Variants in NMT1 observed in about 807,000 individuals in gnomAD.
The protein encoded by NMT1 is glycylpeptide N-tetradecanoyltransferase 1.
NMT1 carries 12 observed loss-of-function variants against 63.4 expected under a neutral mutation model. The ratio of observed to expected loss-of-function variants is 0.19; its 90% CI spans 0.12 to 0.31. The LOEUF (loss-of-function observed/expected upper bound fraction) is 0.31. Ranked by LOEUF, NMT1 falls within the 10% of genes least tolerant of loss-of-function variation. The pLI is 1.00. For missense variants in NMT1, 432 were observed against 634.6 expected (o/e 0.68, Z 3.43); for synonymous variants, 228 against 234.3 (o/e 0.97, Z 0.25).
chr17:45,068,438 C>G (rs1343143267), intron 1 of NMT1, among the ~76,000 whole-genome samples: 2 of 152,196 alleles, frequency 1.3e-5, no homozygotes, highest in Non-Finnish European at 2.9e-5. Flanking sequence ...CGCCATTGCA[C>G]TTCAGTCTGG....
At position 45,093,854 on chromosome 17, in the gene NMT1, G is replaced by GT. The variant is rs1567869442; in HGVS notation, c.504+52dup. On this transcript the variant is annotated intron_variant, in intron 4 of 11. Coordinates refer to ENST00000258960, the MANE Select transcript of NMT1 (RefSeq NM_021079.5). ...CCTGCGGGTAGGAGCCACTTTCACAGTAAGCCCTGCAGTCTCACCTAGACT... is the reference window on the plus strand; with the variant it reads ...CCTGCGGGTAGGAGCCACTTTCACAGTTAAGCCCTGCAGTCTCACCTAGACT... The GT allele has an allele frequency of 8.3e-6, 12 of 1,439,316 alleles. No individual in the cohort carries two copies. In the South Asian group the frequency reaches 1.3e-4, roughly 15 times the overall value. 89.2% of individuals were successfully genotyped at this position (1,439,316 alleles called of 1,614,324 possible).
chr17:45,100,351 G>A (rs1345191206), intron 8 of NMT1, among the ~76,000 whole-genome samples: 1 of 151,966 alleles, frequency 6.6e-6, no homozygotes, highest in Admixed American at 6.5e-5. Flanking sequence ...CAGATCACGA[G>A]ATCAGGAGAT....
At chr17:45,077,378 T>C (rs2053985068) in intron 1 of NMT1, among the ~76,000 whole-genome samples, 1 of 152,134 alleles carries the variant, frequency 6.6e-6, no homozygotes, top group Non-Finnish European at 1.5e-5. Flanking sequence ...TGTCTCCTAA[T>C]ATCAGCCAGG....
At position 45,104,590 on chromosome 17, in the gene NMT1, C is replaced by T; in HGVS notation, c.1333-269C>T. The T allele has an allele frequency of 2.4e-6, 3 of 1,240,912 alleles. No individual in the cohort carries two copies. Among genetic ancestry groups the T allele is most frequent in the Middle Eastern group, 3.2e-4 (1 of 3,122 alleles). 76.9% of individuals were successfully genotyped at this position (1,240,912 alleles called of 1,614,324 possible). On this transcript the variant is annotated intron_variant, in intron 10 of 11. Transcript: ENST00000258960. This position sits in a 1 kb window ranked among gnomAD's most constrained non-coding sequence, Gnocchi z 4.2. ...TTACTAGAGTTTCAGGGAGGCATAA[C>T]CAGGAATAGCAAGAGCCCCGGCCTG...
rs1438037928 is a variant in NMT1, at chr17:45,093,821, AGGTTACACCTGC to A, written c.504+21_504+32del. ...GTGGTGTGGTGAGTGGGCCCTCAGA[AGGTTACACCTGC>A]GGGTAGGAGCCACTTTCACAGTAAG... On this transcript the variant is annotated intron_variant, in intron 4 of 11. Coordinates refer to ENST00000258960, the MANE Select transcript of NMT1 (RefSeq NM_021079.5). The A allele has an allele frequency of 6.3e-7, 1 of 1,596,544 alleles. No individual in the cohort carries two copies. Among genetic ancestry groups the A allele is most frequent in the South Asian group, 1.1e-5 (1 of 90,724 alleles).
chr17:45,105,589 A>C lies in NMT1; in HGVS notation c.1471-30A>C. The C allele has an allele frequency of 1.9e-6, 3 of 1,612,988 alleles. No homozygotes were observed. The highest frequency in any genetic ancestry group is 2.5e-6 in the Non-Finnish European group (3 of 1,179,626). ...AGAGTCTTTGGGCCACTGTCAACTC[A>C]GCTCTGCCTCTCCCTGTTGGCTTTC... On this transcript the variant is annotated intron_variant, in intron 11 of 11. Coordinates refer to ENST00000258960, the MANE Select transcript of NMT1 (RefSeq NM_021079.5). The surrounding 1 kb of genome is among the most constrained non-coding windows in gnomAD (Gnocchi z 4.2).
intron 6 of NMT1, among the ~76,000 whole-genome samples, 170 bp from the exon 7 acceptor site, chr17:45,098,212 C>T (rs901768190): frequency 6.6e-6 from 1 of 152,146 alleles, no homozygotes; most frequent in African/African-American, 2.4e-5. Context: ...GAGGCAGGCT[C>T]CTTGCCTGGT....
chr17:45,071,183 G>A (rs1266563951), intron 1 of NMT1, among the ~76,000 whole-genome samples: 1 of 152,138 alleles, frequency 6.6e-6, no homozygotes, highest in Non-Finnish European at 1.5e-5. Flanking sequence ...GGATATTAGA[G>A]GTTAGAGTTT....
Position 45,108,395 on chromosome 17 carries a change from C to T in NMT1, c.*2756C>T, listed in dbSNP as rs1337790259. On this transcript the variant is annotated 3_prime_UTR_variant, in exon 12 of 12. Coordinates refer to ENST00000258960, the MANE Select transcript of NMT1 (RefSeq NM_021079.5). ...TCTGTCTTATTTGAAGGCCAGCCCA[C>T]ACCCAGCTACTTTAACACCAGGTTT... 6.6e-6 allele frequency: 1 copy of T among 152,390 alleles called. No individual in the cohort carries two copies. The highest frequency in any genetic ancestry group is 1.5e-5 in the Non-Finnish European group (1 of 68,056). 9.4% of individuals were successfully genotyped at this position (152,390 alleles called of 1,614,324 possible).
chr17:45,075,506 G>A (rs1037668127), intron 1 of NMT1, among the ~76,000 whole-genome samples: 6 of 151,106 alleles, frequency 4.0e-5, no homozygotes, highest in African/African-American at 1.5e-4. Flanking sequence ...AAATGGCTGG[G>A]CGTGGTGGCT....
Position 45,105,088 on chromosome 17 carries a change from A to T in NMT1, c.1470+92A>T. 1 of 1,529,634 alleles carries T rather than the reference A, an allele frequency of 6.5e-7. No individual in the cohort carries two copies. Among genetic ancestry groups the T allele is most frequent in the Non-Finnish European group, 8.9e-7 (1 of 1,117,842 alleles). 94.8% of individuals were successfully genotyped at this position (1,529,634 alleles called of 1,614,324 possible). On this transcript the variant is annotated intron_variant, in intron 11 of 11. Transcript: ENST00000258960. This position sits in a 1 kb window ranked among gnomAD's most constrained non-coding sequence, Gnocchi z 4.2. ...GGCCATGGGTTGAGGAGACAGCCGC[A>T]GTCTGGGTCCTTGTTACCTCGAGTT...
At chr17:45,098,612 C>T (rs2054141536) in intron 7 of NMT1, 60 bp downstream of exon 7, 14 of 1,490,560 alleles carry the variant, frequency 9.4e-6, no homozygotes, top group Non-Finnish European at 1.2e-5. Flanking sequence ...AGTTGAGGAG[C>T]ATGTGCCACT....
chr17:45,094,814 C>CT (rs770599475), intron 4 of NMT1, among the ~76,000 whole-genome samples: 49,052 of 116,626 alleles, frequency 0.42, 10,895 homozygotes, highest in African/African-American at 0.45. Context: ...CTAGGCCTGG[C>CT]TTTTTTTTTT....
chr17:45,094,632 A>G (rs903532054), intron 4 of NMT1, among the ~76,000 whole-genome samples: 1 of 148,690 alleles, frequency 6.7e-6, no homozygotes, highest in African/African-American at 2.5e-5. Flanking sequence ...CTCCTGCCTC[A>G]GCCTCCCGAG....
chr17:45,082,147 GC>G (rs2054021010), intron 2 of NMT1, among the ~76,000 whole-genome samples: 1 of 152,074 alleles, frequency 6.6e-6, no homozygotes, highest in Non-Finnish European at 1.5e-5. Flanking sequence ...TTACTCTGTT[GC>G]CCAGGCTAGA....
intron 8 of NMT1, among the ~76,000 whole-genome samples, chr17:45,101,615 C>T (rs1376007253): frequency 1.1e-5 from 1 of 89,236 alleles, no homozygotes; most frequent in Non-Finnish European, 2.2e-5. Flanking sequence ...AAGACTCCGT[C>T]GCAAAAAAAA....
chr17:45,072,435 C>A (rs2053947369), intron 1 of NMT1, among the ~76,000 whole-genome samples: 2 of 149,618 alleles, frequency 1.3e-5, no homozygotes, highest in Non-Finnish European at 1.5e-5. Flanking sequence ...GCTAATTTTT[C>A]TATTTTTTTA....
At chr17:45,066,860 G>A (rs144990009) in intron 1 of NMT1, among the ~76,000 whole-genome samples, 82 of 152,100 alleles carry the variant, frequency 5.4e-4, no homozygotes, top group Non-Finnish European at 1.0e-3. Context: ...TTGTAGACAT[G>A]CACCATCATC....
intron 2 of NMT1, among the ~76,000 whole-genome samples, chr17:45,083,117 C>A (rs963989096): frequency 6.6e-6 from 1 of 151,930 alleles, no homozygotes; most frequent in African/African-American, 2.4e-5. Flanking sequence ...GAATTTGAGA[C>A]CAGCCTGGCC....
Sources: gnomAD v4.1 joint callset for allele counts (sites outside exome capture counted in the v4.1 genomes callset) on GRCh38, gnomAD v4.1.1 for gene constraint, Gnocchi (gnomAD v3.1) non-coding constraint, MANE v1.5 for transcripts, NCBI Gene and HGNC (gene_info 2026-07-23, HGNC 2026-07-21) for gene names.